The following PRORP variants were observed in gnomAD, a reference collection of about 807,000 sequenced individuals.
PRORP encodes mitochondrial ribonuclease P catalytic subunit.
In PRORP, 51 loss-of-function variants were observed where a neutral mutation model predicts 59.4. That is an observed-to-expected ratio of 0.86 (90% confidence interval 0.69 to 1.08). PRORP has a LOEUF of 1.08. PRORP is among the 50% of genes least tolerant of loss of function. The pLI is 0.00. For missense variants in PRORP, 646 were observed against 690.3 expected, an observed-to-expected ratio of 0.94 and a Z score of 0.72; for synonymous variants, 231 against 245.6, an observed-to-expected ratio of 0.94 and a Z score of 0.55.
At position 35,273,443 on chromosome 14, in the gene PRORP, C is replaced by T; in HGVS notation, c.1629C>T (p.Leu543=). The change falls in exon 8 of 8, where the codon CTC becomes CTT. Residue 543 remains leucine, a synonymous_variant. Coordinates refer to ENST00000534898, the MANE Select transcript of PRORP (RefSeq NM_014672.4). ...PGSKLTFQRI[L]SYDTVVQTTG... is the part of the protein sequence containing the mutation. Reference sequence around the variant, plus strand: ...TCTTTTTAATTCAACAGCGTATTCTCAGCTATGACACAGTGGTGCAAACAA... The same window carrying T: ...TCTTTTTAATTCAACAGCGTATTCTTAGCTATGACACAGTGGTGCAAACAA... 1 of 1,608,674 alleles carries T rather than the reference C, an allele frequency of 6.2e-7. No homozygotes were observed. Among genetic ancestry groups the T allele is most frequent in the South Asian group, 1.1e-5 (1 of 89,878 alleles).
At chr14:35,152,819 C>T (rs1407327807) in intron 4 of PRORP, among the ~76,000 whole-genome samples, 2 of 150,886 alleles carry the variant, frequency 1.3e-5, no homozygotes, top group Non-Finnish European at 1.5e-5. Flanking sequence ...GCGCTCCCCA[C>T]ATCTCAGACG....
intron 4 of PRORP, among the ~76,000 whole-genome samples, chr14:35,172,523 C>CCT (rs1319182130): frequency 7.9e-6 from 1 of 126,668 alleles, no homozygotes; most frequent in African/African-American, 2.9e-5. Flanking sequence ...TCCCTCTCTC[C>CCT]CTCTCTCTCC....
chr14:35,259,445 C>T (rs1408960005), intron 5 of PRORP, among the ~76,000 whole-genome samples: 4 of 152,080 alleles, frequency 2.6e-5, no homozygotes, highest in South Asian at 2.1e-4. Context: ...CTTTTTATAC[C>T]TCATACTGTT....
chr14:35,243,807 G>T (rs940996675), intron 5 of PRORP, among the ~76,000 whole-genome samples: 4 of 152,172 alleles, frequency 2.6e-5, no homozygotes, highest in Non-Finnish European at 4.4e-5. Context: ...ATTCATAAGG[G>T]TGTCTATGAG....
At chr14:35,172,096 T>C (rs1334421475) in intron 4 of PRORP, among the ~76,000 whole-genome samples, 5 of 148,948 alleles carry the variant, frequency 3.4e-5, no homozygotes, top group Non-Finnish European at 5.9e-5. Flanking sequence ...TTGCCCAAGC[T>C]GGAGTACAGT....
intron 5 of PRORP, among the ~76,000 whole-genome samples, chr14:35,261,624 G>A (rs2138636772): frequency 6.6e-6 from 1 of 152,168 alleles, no homozygotes; most frequent in East Asian, 1.9e-4. Context: ...AGCTACTCAG[G>A]AGATTGAGGC....
At chr14:35,225,318 C>T (rs2049905975) in intron 5 of PRORP, among the ~76,000 whole-genome samples, 1 of 152,018 alleles carries the variant, frequency 6.6e-6, no homozygotes, top group Non-Finnish European at 1.5e-5. Context: ...CTGTTTAATA[C>T]CTGCTTTTCT....
intron 5 of PRORP, among the ~76,000 whole-genome samples, chr14:35,209,282 A>G (rs80245446): frequency 0.1 from 15,399 of 152,216 alleles, 858 homozygotes; most frequent in African/African-American, 0.15. Context: ...TAAGAGCTCA[A>G]TGATAGTAAT....
chr14:35,132,402 G>C (rs1211303533), intron 4 of PRORP, among the ~76,000 whole-genome samples: 1 of 151,934 alleles, frequency 6.6e-6, no homozygotes, highest in Non-Finnish European at 1.5e-5. Context: ...AGGTTGCGGT[G>C]AGCCAAGGTC....
At chr14:35,263,694 A>T (rs1356987673) in intron 5 of PRORP, among the ~76,000 whole-genome samples, 1 of 152,124 alleles carries the variant, frequency 6.6e-6, no homozygotes, top group Non-Finnish European at 1.5e-5. Context: ...TCTCAAAAAA[A>T]ATAATAATAA....
At chr14:35,178,623 A>T (rs2139028420) in intron 4 of PRORP, among the ~76,000 whole-genome samples, 1 of 151,738 alleles carries the variant, frequency 6.6e-6, no homozygotes, top group East Asian at 1.9e-4. Context: ...TTTTATTTTG[A>T]GCCTATGTGT....
At chr14:35,125,826 A>C (rs2047083094) in intron 2 of PRORP, among the ~76,000 whole-genome samples, 1 of 152,174 alleles carries the variant, frequency 6.6e-6, no homozygotes, top group Admixed American at 6.5e-5. Context: ...GTTGGAGACC[A>C]GCCTGGGCAT....
chr14:35,165,759 A>T (rs1038592795), intron 4 of PRORP, among the ~76,000 whole-genome samples: 3 of 151,688 alleles, frequency 2.0e-5, no homozygotes, highest in African/African-American at 7.3e-5. Context: ...GGTTCACTGC[A>T]ACCTTCGCCT....
chr14:35,172,049 C>T, intron 4 of PRORP, among the ~76,000 whole-genome samples: 1 of 113,818 alleles, frequency 8.8e-6, no homozygotes. Flanking sequence ...ATATTTACTT[C>T]TAATTTTTTT....
intron 5 of PRORP, among the ~76,000 whole-genome samples, chr14:35,237,015 T>G (rs2050235841): frequency 1.3e-5 from 2 of 148,434 alleles, no homozygotes; most frequent in South Asian, 4.5e-4. Context: ...CACTCCTTCC[T>G]TCCCTCCTTC....
In PRORP at chr14:35,277,445, C is replaced by T. The variant is rs1303500190; in HGVS notation, c.*3879C>T. 1 of 152,232 alleles carries T rather than the reference C, an allele frequency of 6.6e-6. No homozygotes were observed. Among genetic ancestry groups the T allele is most frequent in the Admixed American group, 6.6e-5 (1 of 15,256 alleles). 9.4% of individuals were successfully genotyped at this position (152,232 alleles called of 1,614,324 possible). A position where few individuals can be genotyped will look rare whatever the true frequency, so the allele number is the denominator to read the frequency against. Reference sequence around the variant, plus strand: ...GTGAGCAGAAAGGAAATAGGACCAGCTTTTACCTGCCCAGTCCTGGCCAGT... The same window carrying T: ...GTGAGCAGAAAGGAAATAGGACCAGTTTTTACCTGCCCAGTCCTGGCCAGT... On this transcript the variant is annotated 3_prime_UTR_variant, in exon 8 of 8. Transcript: ENST00000534898.
chr14:35,189,016 G>A (rs534667529), intron 5 of PRORP, among the ~76,000 whole-genome samples: 2 of 150,452 alleles, frequency 1.3e-5, no homozygotes, highest in African/African-American at 4.9e-5. Context: ...TCTTCTAAGA[G>A]TTTTATAGTT....
At chr14:35,180,554 T>TGTGTGTGTGTGTGTGTG in intron 4 of PRORP, 116 bp from the exon 5 acceptor site, 2 of 512,266 alleles carry the variant, frequency 3.9e-6, no homozygotes, top group Non-Finnish European at 6.9e-6. Flanking sequence ...GTGTGTGTAT[T>TGTGTGTGTGTGTGTGTG]TTTAAGGGAT....
chr14:35,160,779 G>C (rs1184406200), intron 4 of PRORP, among the ~76,000 whole-genome samples: 1 of 152,120 alleles, frequency 6.6e-6, no homozygotes, highest in Non-Finnish European at 1.5e-5. Context: ...TTTGTTTTGA[G>C]GATAGATCAG....
Sources: allele counts gnomAD v4.1 joint callset (sites outside exome capture counted in the v4.1 genomes callset), GRCh38; gene constraint gnomAD v4.1.1; transcripts MANE v1.5; gene names NCBI Gene and HGNC (gene_info 2026-07-23, HGNC 2026-07-21).